Variants in APCDD1L observed in about 807,000 individuals in gnomAD.
APCDD1L encodes the protein APC down-regulated 1 like.
A neutral mutation model predicts 24.2 loss-of-function variants in APCDD1L; 21 were observed. That is an observed-to-expected ratio of 0.87 (90% CI 0.61 to 1.25). APCDD1L has a LOEUF of 1.25. Among genes scored for constraint, APCDD1L ranks in the 50% most tolerant of loss-of-function variants. The pLI, the probability that APCDD1L is intolerant of heterozygous loss-of-function variation, is 0.00. For synonymous variants in APCDD1L, 321 were observed against 323.6 expected (o/e 0.99, Z 0.09); for missense variants, 704 against 711.7 (o/e 0.99, Z 0.12).
intron 1 of APCDD1L, among the ~76,000 whole-genome samples, chr20:58,482,677 C>T: frequency 6.6e-6 from 1 of 152,174 alleles, no homozygotes; most frequent in East Asian, 1.9e-4. Flanking sequence ...TCGAAGCCCA[C>T]ATTCATGGAT....
At chr20:58,489,334 C>T (rs981420092) in intron 1 of APCDD1L, among the ~76,000 whole-genome samples, 5 of 151,700 alleles carry the variant, frequency 3.3e-5, no homozygotes, top group Admixed American at 6.6e-5. Context: ...TCCAGGAGTT[C>T]GAGACTCCAG....
intron 1 of APCDD1L, among the ~76,000 whole-genome samples, chr20:58,510,712 T>A (rs1044426491): frequency 1.3e-5 from 2 of 152,194 alleles, no homozygotes; most frequent in Non-Finnish European, 2.9e-5. Context: ...AGGAAATTGA[T>A]GATGGTAGCA....
At chr20:58,506,882 G>A (rs570846017) in intron 1 of APCDD1L, among the ~76,000 whole-genome samples, 1 of 152,174 alleles carries the variant, frequency 6.6e-6, no homozygotes, top group Non-Finnish European at 1.5e-5. Flanking sequence ...GGAGGTATTT[G>A]CATGAACTTG....
At chr20:58,478,813 C>G (rs1989965702) in intron 1 of APCDD1L, among the ~76,000 whole-genome samples, 1 of 151,852 alleles carries the variant, frequency 6.6e-6, no homozygotes, top group Non-Finnish European at 1.5e-5. Context: ...AAGAATCTGG[C>G]TGAGGGCAAA....
intron 1 of APCDD1L, among the ~76,000 whole-genome samples, chr20:58,485,492 T>C (rs769621882): frequency 1.3e-5 from 2 of 152,228 alleles, no homozygotes; most frequent in African/African-American, 2.4e-5. Context: ...CACATTTTTG[T>C]GCCTACAAAT....
In APCDD1L at chr20:58,498,953, C is replaced by G. The variant is rs151294404; in HGVS notation, c.49+15706G>C. Among the ~76,000 whole-genome samples the G allele has an allele frequency of 9.7e-3, 1,483 of 152,352 alleles. 14 individuals are homozygous for G. The highest frequency in any genetic ancestry group is 0.017 in the Middle Eastern group (5 of 294). On this transcript the variant is annotated intron_variant, in intron 1 of 3. Transcript: ENST00000371149. ...CACGTCTGTGGGTGGCTGGTTCCCC[C>G]CTTGGCTGCAGAACCCTTTAACTTC...
chr20:58,479,201 A>G (rs542532629), intron 1 of APCDD1L, among the ~76,000 whole-genome samples: 20 of 152,352 alleles, frequency 1.3e-4, no homozygotes, highest in Admixed American at 5.2e-4. Flanking sequence ...TTAATGATAT[A>G]TTTTATCCGG....
At chr20:58,493,656 A>G (rs1990265953) in intron 1 of APCDD1L, among the ~76,000 whole-genome samples, 1 of 151,372 alleles carries the variant, frequency 6.6e-6, no homozygotes, top group Non-Finnish European at 1.5e-5. Flanking sequence ...AAGCACAGCT[A>G]AAAAAAATAC....
In APCDD1L at chr20:58,460,611, G is replaced by T; in HGVS notation, c.*179C>A. ...GGCTGTGGGATGTGGTATAGGCTTT[G>T]CAGGGGTTAAGCTCATGTCCTGAGC... On this transcript the variant is annotated 3_prime_UTR_variant, in exon 4 of 4. Transcript: ENST00000371149. This position sits in a 1 kb window ranked among gnomAD's most constrained non-coding sequence, Gnocchi z 4.2. 1 of 729,572 alleles carries T rather than the reference G, an allele frequency of 1.4e-6. No homozygotes were observed. Among genetic ancestry groups the T allele is most frequent in the Non-Finnish European group, 2.0e-6 (1 of 499,032 alleles). 45.2% of individuals were successfully genotyped at this position (729,572 alleles called of 1,614,324 possible).
At chr20:58,484,079 G>A (rs73183281) in intron 1 of APCDD1L, among the ~76,000 whole-genome samples, 3,670 of 152,316 alleles carry the variant, frequency 0.024, 72 homozygotes, top group Non-Finnish European at 0.035. Context: ...TAGCATCTGT[G>A]TGTCCCTAAT....
At position 58,461,869 on chromosome 20, in the gene APCDD1L, A is replaced by G. The variant is rs1355050631; in HGVS notation, c.742-315T>C. 2 of 307,638 alleles carry G rather than the reference A, an allele frequency of 6.5e-6. No individual in the cohort carries two copies. Among genetic ancestry groups the G allele is most frequent in the African/African-American group, 4.3e-5 (2 of 46,494 alleles). 19.1% of individuals were successfully genotyped at this position (307,638 alleles called of 1,614,324 possible). ...TGGGCACCAGAGAGAGCTTTCCCGA[A>G]TGCCCCATGTAAGGTGGGCCTCAGG... is the stretch of plus-strand genomic sequence containing the variant. On this transcript the variant is annotated intron_variant, in intron 3 of 3. Transcript: ENST00000371149. This position sits in a 1 kb window ranked among gnomAD's most constrained non-coding sequence, Gnocchi z 6.0.
chr20:58,495,665 G>A (rs372484297), intron 1 of APCDD1L, among the ~76,000 whole-genome samples: 13 of 152,254 alleles, frequency 8.5e-5, no homozygotes, highest in South Asian at 2.1e-4. Flanking sequence ...CTCGTCTGTC[G>A]CGGGGTCAGA....
chr20:58,501,727 C>A (rs962388315), intron 1 of APCDD1L, among the ~76,000 whole-genome samples: 1 of 152,214 alleles, frequency 6.6e-6, no homozygotes, highest in African/African-American at 2.4e-5. Context: ...CAGATATAAC[C>A]AAGCCACTGT....
rs1568745302 is a variant in APCDD1L, at chr20:58,488,995, AGAGTG to A, written c.50-18253_50-18249del. On this transcript the variant is annotated intron_variant, in intron 1 of 3. Coordinates refer to ENST00000371149, the MANE Select transcript of APCDD1L (RefSeq NM_153360.3). ...TAAAAGAAAGAAAGGAAAGGAAAGA[AGAGTG>A]GGTGAGTAGGGGGAAAAGAGGAGAG... Among the ~76,000 whole-genome samples the A allele has an allele frequency of 1.7e-3, 266 of 152,280 alleles. 2 individuals are homozygous for A. The highest frequency in any genetic ancestry group is 6.2e-3 in the African/African-American group (257 of 41,560).
intron 1 of APCDD1L, among the ~76,000 whole-genome samples, chr20:58,485,293 C>T (rs1466235090): frequency 1.3e-5 from 2 of 152,154 alleles, no homozygotes; most frequent in Non-Finnish European, 2.9e-5. Flanking sequence ...ATAGATTTGG[C>T]CAAATTGTCC....
chr20:58,473,582 G>A (rs969046467), intron 1 of APCDD1L, among the ~76,000 whole-genome samples: 1 of 123,650 alleles, frequency 8.1e-6, no homozygotes, highest in Admixed American at 8.5e-5. Flanking sequence ...TGGGGTAGAT[G>A]TTGGATTTTC....
intron 1 of APCDD1L, among the ~76,000 whole-genome samples, chr20:58,498,008 T>G (rs1990356857): frequency 6.6e-6 from 1 of 151,874 alleles, no homozygotes; most frequent in South Asian, 2.1e-4. Context: ...CGAGGAGGGG[T>G]GCGGTGGTGG....
intron 1 of APCDD1L, among the ~76,000 whole-genome samples, chr20:58,477,335 T>C (rs750508349): frequency 3.3e-5 from 5 of 152,260 alleles, no homozygotes; most frequent in Non-Finnish European, 7.3e-5. Flanking sequence ...ATATCTTCTC[T>C]TTTTGTCTTC....
At chr20:58,488,370 T>A (rs1600863588) in intron 1 of APCDD1L, among the ~76,000 whole-genome samples, 1 of 152,022 alleles carries the variant, frequency 6.6e-6, no homozygotes, top group African/African-American at 2.4e-5. Context: ...ACACACACAC[T>A]CACACACACA....
Sources: gnomAD v4.1 joint callset for allele counts (sites outside exome capture counted in the v4.1 genomes callset) on GRCh38, gnomAD v4.1.1 for gene constraint, Gnocchi (gnomAD v3.1) non-coding constraint, MANE v1.5 for transcripts, NCBI Gene and HGNC (gene_info 2026-07-23, HGNC 2026-07-21) for gene names.